PACRG: variants seen among roughly 807,000 people sequenced by gnomAD.
PACRG encodes parkin coregulated, also known as parkin coregulated gene protein.
PACRG carries 29 observed loss-of-function variants against 29.7 expected under a neutral mutation model. That is an observed-to-expected ratio of 0.98 (90% CI 0.73 to 1.33). The LOEUF is 1.33. Ranked by LOEUF, PACRG falls within the 40% of genes most tolerant of loss-of-function variation. The pLI, the probability that PACRG is intolerant of heterozygous loss-of-function variation, is 0.00. For synonymous variants in PACRG, 116 were observed against 118.7 expected (o/e 0.98, Z 0.15); for missense variants, 279 against 316.2 (o/e 0.88, Z 0.89).
intron 4 of PACRG, chr6:163,191,717 A>T (rs751767681): frequency 1.8e-5 from 8 of 456,024 alleles, no homozygotes; most frequent in Non-Finnish European, 3.1e-5. Flanking sequence ...ATCCACCAAA[A>T]TGCCATCTTC....
intron 2 of PACRG, among the ~76,000 whole-genome samples, chr6:163,006,506 A>C (rs529226363): frequency 6.6e-6 from 1 of 151,726 alleles, no homozygotes; most frequent in East Asian, 1.9e-4. Flanking sequence ...ATTTTTTTGT[A>C]TACTTGTTCT....
At chr6:162,746,378 A>G (rs1780986619) in intron 1 of PACRG, among the ~76,000 whole-genome samples, 1 of 152,238 alleles carries the variant, frequency 6.6e-6, no homozygotes, top group South Asian at 2.1e-4. Flanking sequence ...CGGTATTTAA[A>G]TATAGTTTAG....
chr6:162,782,110 T>C (rs929788721), intron 1 of PACRG, among the ~76,000 whole-genome samples: 1 of 151,866 alleles, frequency 6.6e-6, no homozygotes, highest in Non-Finnish European at 1.5e-5. Flanking sequence ...ACAACTGCGA[T>C]AGCTAATGAG....
intron 4 of PACRG, among the ~76,000 whole-genome samples, chr6:163,275,162 C>G (rs1449403657): frequency 6.6e-6 from 1 of 152,172 alleles, no homozygotes; most frequent in East Asian, 1.9e-4. Flanking sequence ...GCATGAGCCA[C>G]CATGCCCAGC....
intron 4 of PACRG, among the ~76,000 whole-genome samples, chr6:163,313,604 A>G (rs1434826794): frequency 6.6e-6 from 1 of 152,238 alleles, no homozygotes; most frequent in African/African-American, 2.4e-5. Context: ...TTCAAACAAG[A>G]TAAACATTGT....
chr6:163,172,515 T>C (rs2747694), intron 4 of PACRG, among the ~76,000 whole-genome samples: 134,954 of 152,138 alleles, frequency 0.89, 59,989 homozygotes, highest in African/African-American at 0.94. Flanking sequence ...CACGCACACA[T>C]ACATACAACC....
At chr6:163,105,275 G>A (rs1585219896) in intron 4 of PACRG, among the ~76,000 whole-genome samples, 1 of 152,216 alleles carries the variant, frequency 6.6e-6, no homozygotes, top group Non-Finnish European at 1.5e-5. Context: ...TAAAATGATA[G>A]TTTTGTAATG....
chr6:163,243,500 T>C (rs1782580887), intron 4 of PACRG, among the ~76,000 whole-genome samples: 1 of 152,144 alleles, frequency 6.6e-6, no homozygotes. Flanking sequence ...GTGTCAGAAG[T>C]GGCTCTTTTC....
At chr6:162,761,923 G>A (rs9456809) in intron 1 of PACRG, among the ~76,000 whole-genome samples, 23,902 of 131,036 alleles carry the variant, frequency 0.18, 2,586 homozygotes, top group East Asian at 0.47. Context: ...GTGACACAGC[G>A]AGACTCCATC....
At chr6:163,089,099 GT>G (rs1813859850) in intron 3 of PACRG, among the ~76,000 whole-genome samples, 159 bp from the exon 4 acceptor site, 1 of 152,154 alleles carries the variant, frequency 6.6e-6, no homozygotes, top group South Asian at 2.1e-4. Context: ...AAACATTAGG[GT>G]TGCAATGTGT....
intron 4 of PACRG, among the ~76,000 whole-genome samples, chr6:163,217,687 C>G (rs1303754707): frequency 6.6e-6 from 1 of 152,060 alleles, no homozygotes; most frequent in Non-Finnish European, 1.5e-5. Context: ...CTGAGCTCCG[C>G]CTCCTGTCAG....
chr6:163,010,196 T>C (rs1805482554), intron 2 of PACRG, among the ~76,000 whole-genome samples: 1 of 152,250 alleles, frequency 6.6e-6, no homozygotes, highest in Non-Finnish European at 1.5e-5. Context: ...TCTGTCTTGC[T>C]GTGCTAGATG....
At chr6:163,009,212 T>C (rs770225313) in intron 2 of PACRG, among the ~76,000 whole-genome samples, 1 of 152,206 alleles carries the variant, frequency 6.6e-6, no homozygotes, top group Non-Finnish European at 1.5e-5. Flanking sequence ...TTACACCTTA[T>C]TGAGGCTAAT....
intron 2 of PACRG, among the ~76,000 whole-genome samples, chr6:162,981,008 C>G (rs190129248): frequency 1.8e-4 from 27 of 151,968 alleles, no homozygotes; most frequent in Non-Finnish European, 3.7e-4. Context: ...TCTACTGTAC[C>G]CAATGTGTAG....
At chr6:163,131,993 C>T (rs1364599920) in intron 4 of PACRG, among the ~76,000 whole-genome samples, 1 of 152,152 alleles carries the variant, frequency 6.6e-6, no homozygotes, top group Non-Finnish European at 1.5e-5. Context: ...ACTGCGTAGC[C>T]ATTTGTGTGC....
rs572054551 is a variant in PACRG at position 162,757,988 on chromosome 6, GAA to G, written c.156+29599_156+29600del. Among the ~76,000 whole-genome samples the G allele has an allele frequency of 4.4e-3, 667 of 152,248 alleles. 3 individuals carry two copies. The highest frequency in any genetic ancestry group is 0.01 in the Middle Eastern group (3 of 294). On this transcript the variant is annotated intron_variant, in intron 1 of 4. Coordinates refer to ENST00000366888, the MANE Select transcript of PACRG (RefSeq NM_001080379.2). The stretch of plus-strand genomic sequence containing the variant: ...TCTCCTATGAGGTTGTCAATAGTAC[GAA>G]AGTCTGAAAACTTACTTTAATGGCA...
At chr6:163,038,795 G>C (rs550736219) in intron 2 of PACRG, among the ~76,000 whole-genome samples, 1 of 152,196 alleles carries the variant, frequency 6.6e-6, no homozygotes, top group African/African-American at 2.4e-5. Flanking sequence ...TCTCCCTAGA[G>C]AGGACAGGAA....
chr6:162,975,525 A>ACT (rs1305604120), intron 2 of PACRG, among the ~76,000 whole-genome samples: 1 of 151,920 alleles, frequency 6.6e-6, no homozygotes, highest in Non-Finnish European at 1.5e-5. Flanking sequence ...AGCATAAAGC[A>ACT]CTCTGTTCAT....
chr6:162,814,847 C>T (rs1208965286), intron 2 of PACRG, among the ~76,000 whole-genome samples: 2 of 152,212 alleles, frequency 1.3e-5, no homozygotes, highest in Non-Finnish European at 2.9e-5. Flanking sequence ...AAAGCCATTA[C>T]AGCACGGACA....
Sources: allele counts gnomAD v4.1 joint callset (sites outside exome capture counted in the v4.1 genomes callset), GRCh38; gene constraint gnomAD v4.1.1; transcripts MANE v1.5; gene names NCBI Gene and HGNC (gene_info 2026-07-23, HGNC 2026-07-21).